SH3RF2: variants seen among roughly 807,000 people sequenced by gnomAD.
The protein encoded by SH3RF2 is SH3 domain containing ring finger 2, also known as E3 ubiquitin-protein ligase SH3RF2.
A neutral mutation model predicts 59.0 loss-of-function variants in SH3RF2; 43 were observed. The observed-to-expected ratio is 0.73, with a 90% CI of 0.57 to 0.94. The LOEUF is 0.94. Among genes scored for constraint, SH3RF2 ranks in the 40% least tolerant of loss-of-function variants. The pLI is 0.00. For missense variants in SH3RF2, 930 were observed against 940.1 expected, an observed-to-expected ratio of 0.99 and a Z score of 0.14; for synonymous variants, 391 against 391.5, an observed-to-expected ratio of 1.00 and a Z score of 0.01.
rs146472770 is a variant in SH3RF2, at chr5:146,030,203, C to T, written c.1059+16142C>T. Among the ~76,000 whole-genome samples, 85 of 152,288 alleles carry T rather than the reference C, an allele frequency of 5.6e-4. No homozygotes were observed. The East Asian group carries it at 0.013, about 23-fold the overall frequency. ...CCACTGCCTTTGACTTGACCTGAGC[C>T]AGTACTGATGAGAGAAATCTTGCTG... On this transcript the variant is annotated intron_variant, in intron 5 of 9. Coordinates refer to ENST00000359120, the MANE Select transcript of SH3RF2 (RefSeq NM_152550.4).
chr5:146,061,007 A>G (rs1213623365), intron 9 of SH3RF2, among the ~76,000 whole-genome samples: 2 of 152,176 alleles, frequency 1.3e-5, no homozygotes, highest in African/African-American at 4.8e-5. Context: ...CATCGCCATC[A>G]CCACCTCCAT....
At chr5:145,966,744 G>T (rs1758871528) in intron 2 of SH3RF2, among the ~76,000 whole-genome samples, 1 of 152,204 alleles carries the variant, frequency 6.6e-6, no homozygotes, top group African/African-American at 2.4e-5. Context: ...TTATAAGGCT[G>T]GGCGTGGTGA....
rs1561771241 is a variant in SH3RF2, at chr5:146,062,420, TTGCA to T, written c.1915-5_1915-2del. The T allele has an allele frequency of 6.2e-7, 1 of 1,612,890 alleles. No individual in the cohort carries two copies. Among genetic ancestry groups the T allele is most frequent in the Non-Finnish European group, 8.5e-7 (1 of 1,179,044 alleles). On this transcript the variant is annotated splice_acceptor_variant and splice_polypyrimidine_tract_variant and intron_variant, in intron 9 of 9. Transcript: ENST00000359120. LOFTEE classifies it high-confidence loss of function. ...CTGTGTCCATTTCCTCTCCTTTCTC[TTGCA>T]GCAAGTCAAAACCGTGAGATTTCAG...
chr5:146,037,817 C>T (rs950263622), intron 5 of SH3RF2, among the ~76,000 whole-genome samples: 4 of 152,054 alleles, frequency 2.6e-5, no homozygotes, highest in Admixed American at 6.6e-5. Flanking sequence ...AAACTTTCCC[C>T]GACTCACTTC....
chr5:145,995,484 G>A (rs1198640263), intron 2 of SH3RF2, among the ~76,000 whole-genome samples: 1 of 152,062 alleles, frequency 6.6e-6, no homozygotes, highest in Admixed American at 6.6e-5. Context: ...TATTTCTCAG[G>A]TAGGGAACAC....
intron 2 of SH3RF2, among the ~76,000 whole-genome samples, chr5:145,964,300 C>CT (rs1758771656): frequency 8.1e-6 from 1 of 123,842 alleles, no homozygotes; most frequent in African/African-American, 3.4e-5. Flanking sequence ...TCCTTCCTTC[C>CT]TTCCTTTCTT....
chr5:146,081,122 A>T (rs1478477594), exon 10 of SH3RF2: 1 of 152,180 alleles, frequency 6.6e-6, no homozygotes, highest in Non-Finnish European at 1.5e-5. Context: ...AAGAAGAAAA[A>T]CATACAGAAT....
intron 9 of SH3RF2, among the ~76,000 whole-genome samples, chr5:146,061,515 C>T (rs1762890109): frequency 6.6e-6 from 1 of 152,132 alleles, no homozygotes; most frequent in Non-Finnish European, 1.5e-5. Flanking sequence ...TTAGGAGGAT[C>T]AGAACGTATG....
intron 8 of SH3RF2, among the ~76,000 whole-genome samples, chr5:146,058,011 C>G (rs2906824): frequency 0.96 from 144,823 of 150,200 alleles, 70,034 homozygotes; most frequent in Non-Finnish European, 1. Flanking sequence ...ATTTAAAAAA[C>G]GAGAAATGTT....
In SH3RF2 at chr5:146,028,325, CAT is replaced by C. The variant is rs1426532245; in HGVS notation, c.1059+14265_1059+14266del. 5.9e-5 allele frequency among the ~76,000 whole-genome samples: 9 copies of C among 152,360 alleles called. No homozygotes were observed. The East Asian group carries it at 1.7e-3, about 29-fold the overall frequency. On this transcript the variant is annotated intron_variant, in intron 5 of 9. Coordinates refer to ENST00000359120, the MANE Select transcript of SH3RF2 (RefSeq NM_152550.4). ...CTGGGAACAAAGAGGGTAGTATAGA[CAT>C]GTGGGCACAGACAGACCTTGATGGT...
chr5:146,069,060 C>T (rs1426157258), intron 9 of SH3RF2, among the ~76,000 whole-genome samples: 2 of 152,150 alleles, frequency 1.3e-5, no homozygotes, highest in African/African-American at 4.8e-5. Context: ...TTCTCCCACA[C>T]ATATACCATA....
At chr5:145,998,174 G>A (rs1017806799) in intron 2 of SH3RF2, among the ~76,000 whole-genome samples, 3 of 151,856 alleles carry the variant, frequency 2.0e-5, no homozygotes, top group African/African-American at 4.8e-5. Flanking sequence ...TTGCATAAGT[G>A]GTTAACACAC....
At chr5:145,974,240 G>A (rs1295771165) in intron 2 of SH3RF2, among the ~76,000 whole-genome samples, 2 of 152,212 alleles carry the variant, frequency 1.3e-5, no homozygotes, top group Non-Finnish European at 2.9e-5. Flanking sequence ...AAGCCAGCAA[G>A]GGAGAGAGTG....
intron 2 of SH3RF2, among the ~76,000 whole-genome samples, chr5:145,989,253 C>G (rs1412561690): frequency 6.6e-6 from 1 of 152,126 alleles, no homozygotes; most frequent in African/African-American, 2.4e-5. Flanking sequence ...GTGTATAACA[C>G]CAAATCATTA....
downstream of SH3RF2, among the ~76,000 whole-genome samples, chr5:146,064,696 A>G (rs796694099): frequency 1.3e-3 from 10 of 7,764 alleles, 2 homozygotes; most frequent in East Asian, 0.025. Flanking sequence ...GAAAGAAAGA[A>G]AGAAAGAAAG....
intron 5 of SH3RF2, among the ~76,000 whole-genome samples, chr5:146,035,420 C>T (rs1167196952): frequency 7.9e-5 from 12 of 151,338 alleles, no homozygotes; most frequent in Admixed American, 1.3e-4. Flanking sequence ...TGAAGTGACA[C>T]CTTAGATTTT....
At chr5:146,020,714 C>T (rs1761287941) in intron 5 of SH3RF2, among the ~76,000 whole-genome samples, 1 of 152,088 alleles carries the variant, frequency 6.6e-6, no homozygotes, top group Admixed American at 6.6e-5. Context: ...CTTTTAAGAG[C>T]AAGCTTGATG....
chr5:145,999,026 A>T (rs961399043), intron 2 of SH3RF2, among the ~76,000 whole-genome samples: 1 of 148,646 alleles, frequency 6.7e-6, no homozygotes, highest in Non-Finnish European at 1.5e-5. Flanking sequence ...CTTTATTACT[A>T]AAAAAAAAAC....
chr5:145,978,844 G>C (rs1157449913), intron 2 of SH3RF2, among the ~76,000 whole-genome samples: 1 of 152,156 alleles, frequency 6.6e-6, no homozygotes, highest in Non-Finnish European at 1.5e-5. Context: ...TTTAAAGATA[G>C]ACTTTGAAAT....
Sources: allele counts gnomAD v4.1 joint callset (sites outside exome capture counted in the v4.1 genomes callset), GRCh38; gene constraint gnomAD v4.1.1; transcripts MANE v1.5; gene names NCBI Gene and HGNC (gene_info 2026-07-23, HGNC 2026-07-21).